Variants in C12orf42 observed in about 807,000 individuals in gnomAD.
C12orf42 encodes the protein chromosome 12 open reading frame 42.
A neutral mutation model predicts 21.6 loss-of-function variants in C12orf42; 25 were observed. The ratio of observed to expected loss-of-function variants is 1.16; its 90% CI spans 0.84 to 1.62. C12orf42 has a LOEUF of 1.62. Among genes scored for constraint, C12orf42 ranks in the 40% most tolerant of loss-of-function variants. The probability of loss-of-function intolerance (pLI) is 0.00; values close to 1 mark genes in which losing one functional copy is unlikely to be tolerated. For missense variants in C12orf42, 483 were observed against 459.3 expected, an observed-to-expected ratio of 1.05 and a Z score of -0.47; for synonymous variants, 174 against 175.0, an observed-to-expected ratio of 0.99 and a Z score of 0.05.
chr12:103,380,493 A>C (rs1330964894), intron 3 of C12orf42, among the ~76,000 whole-genome samples: 1 of 152,220 alleles, frequency 6.6e-6, no homozygotes, highest in Non-Finnish European at 1.5e-5. Context: ...AGTATCATAA[A>C]GAATAAATGC....
At chr12:103,312,301 C>T (rs931396722) in intron 4 of C12orf42, among the ~76,000 whole-genome samples, 1 of 152,126 alleles carries the variant, frequency 6.6e-6, no homozygotes, top group South Asian at 2.1e-4. Context: ...ATGTGACTCC[C>T]GTGAACTGGG....
At chr12:103,453,584 T>C (rs1043722480) in intron 2 of C12orf42, among the ~76,000 whole-genome samples, 37 of 152,106 alleles carry the variant, frequency 2.4e-4, no homozygotes, top group Non-Finnish European at 4.7e-4. Context: ...CTTATCTTTA[T>C]CTCTCCCTAA....
the C12orf42 span, among the ~76,000 whole-genome samples, chr12:103,124,172 T>G: frequency 1.4e-5 from 2 of 146,178 alleles, no homozygotes; most frequent in African/African-American, 5.1e-5. Context: ...TTTTTTTTTT[T>G]TTTTTTTTTT....
intron 1 of C12orf42, among the ~76,000 whole-genome samples, chr12:103,483,592 G>A (rs1239452000): frequency 6.6e-6 from 1 of 152,026 alleles, no homozygotes; most frequent in Non-Finnish European, 1.5e-5. Flanking sequence ...CACAGTAAAA[G>A]TTGAATCAAG....
At chr12:103,547,263 G>A in the C12orf42 span, among the ~76,000 whole-genome samples, 72 of 152,204 alleles carry the variant, frequency 4.7e-4, no homozygotes, top group African/African-American at 1.5e-3. Flanking sequence ...TCTCAGTCTC[G>A]CTAGCCATAT....
intron 5 of C12orf42, among the ~76,000 whole-genome samples, chr12:103,276,386 ATTAC>A: frequency 6.6e-6 from 1 of 152,254 alleles, no homozygotes; most frequent in Non-Finnish European, 1.5e-5. Flanking sequence ...ATCCTTGATA[ATTAC>A]TTACCACCCT....
At chr12:103,400,703 C>G (rs540934768) in intron 3 of C12orf42, among the ~76,000 whole-genome samples, 1 of 152,326 alleles carries the variant, frequency 6.6e-6, no homozygotes, top group Admixed American at 6.5e-5. Flanking sequence ...TTGATTTCTA[C>G]TCTTGAATCG....
the C12orf42 span, among the ~76,000 whole-genome samples, chr12:103,509,458 C>G: frequency 6.6e-6 from 1 of 151,926 alleles, no homozygotes; most frequent in African/African-American, 2.4e-5. Context: ...AAACAACATC[C>G]AAAAAAAGCT....
chr12:103,477,864 A>G, intron 2 of C12orf42: 1 of 166,438 alleles, frequency 6.0e-6, no homozygotes, highest in Non-Finnish European at 1.3e-5. Flanking sequence ...TTAAGCCACT[A>G]AGTTTGTGGT....
At chr12:103,499,097 C>T (rs888472736), upstream of C12orf42, among the ~76,000 whole-genome samples, 20 of 151,564 alleles carry the variant, frequency 1.3e-4, no homozygotes, top group African/African-American at 3.9e-4. Context: ...TGATGGGGAG[C>T]GAGGAGGATG....
At chr12:103,175,449 G>T in the C12orf42 span, among the ~76,000 whole-genome samples, 1 of 152,178 alleles carries the variant, frequency 6.6e-6, no homozygotes, top group African/African-American at 2.4e-5. Flanking sequence ...CTAGCCAAGA[G>T]TTGGCGAGCT....
chr12:103,130,903 A>T, the C12orf42 span, among the ~76,000 whole-genome samples: 1 of 152,198 alleles, frequency 6.6e-6, no homozygotes, highest in Non-Finnish European at 1.5e-5. Flanking sequence ...CTTACCAACT[A>T]GTCAATGGTG....
chr12:103,506,263 C>T, the C12orf42 span: 1 of 152,338 alleles, frequency 6.6e-6, no homozygotes, highest in African/African-American at 2.4e-5. Context: ...TGCAATTTAT[C>T]TTATATAATG....
At chr12:103,483,009 C>T (rs1233571425) in intron 1 of C12orf42, among the ~76,000 whole-genome samples, 2 of 151,632 alleles carry the variant, frequency 1.3e-5, no homozygotes, top group African/African-American at 4.8e-5. Flanking sequence ...CTTATTTTTC[C>T]TCTCAATATA....
chr12:103,190,238 G>A, the C12orf42 span, among the ~76,000 whole-genome samples: 2 of 152,194 alleles, frequency 1.3e-5, no homozygotes, highest in African/African-American at 4.8e-5. Context: ...GAAGCAAAGT[G>A]TCTGTCATGG....
chr12:103,292,825 A>G (rs2036910255), intron 4 of C12orf42, among the ~76,000 whole-genome samples: 1 of 152,148 alleles, frequency 6.6e-6, no homozygotes, highest in Non-Finnish European at 1.5e-5. Flanking sequence ...AGTCTATTAA[A>G]AAGGTAAACT....
the C12orf42 span, among the ~76,000 whole-genome samples, chr12:103,147,924 A>G: frequency 2.6e-5 from 4 of 152,190 alleles, no homozygotes; most frequent in African/African-American, 9.7e-5. Context: ...AACTTTTCTT[A>G]AAGTAGAAAC....
At chr12:103,351,723 C>T (rs1281476198) in intron 4 of C12orf42, among the ~76,000 whole-genome samples, 1 of 151,988 alleles carries the variant, frequency 6.6e-6, no homozygotes, top group Non-Finnish European at 1.5e-5. Context: ...GAAGTAGAGC[C>T]CATTCGTGCT....
chr12:103,251,897 CA>C (rs781178616), intron 10 of C12orf42, among the ~76,000 whole-genome samples: 2 of 152,112 alleles, frequency 1.3e-5, no homozygotes, highest in Non-Finnish European at 2.9e-5. Context: ...CACTGACCAC[CA>C]AGGTGTCTTT....
Sources: allele counts gnomAD v4.1 joint callset (sites outside exome capture counted in the v4.1 genomes callset), GRCh38; gene constraint gnomAD v4.1.1; transcripts MANE v1.5; gene names NCBI Gene and HGNC (gene_info 2026-07-23, HGNC 2026-07-21).